The following TMTC4 variants were observed in gnomAD, a reference collection of about 807,000 sequenced individuals.
TMTC4 encodes the protein transmembrane O-mannosyltransferase targeting cadherins 4.
TMTC4 carries 65 observed loss-of-function variants against 86.0 expected under a neutral mutation model. The ratio of observed to expected loss-of-function variants is 0.76; its 90% confidence interval spans 0.62 to 0.93. The LOEUF is 0.93. Among genes scored for constraint, TMTC4 ranks in the 40% least tolerant of loss-of-function variants. TMTC4 has a pLI of 0.00. For missense variants in TMTC4, 866 were observed against 948.1 expected, an observed-to-expected ratio of 0.91 and a Z score of 1.14; for synonymous variants, 379 against 382.5, an observed-to-expected ratio of 0.99 and a Z score of 0.11.
chr13:100,657,155 A>C (rs1885213749), intron 5 of TMTC4, among the ~76,000 whole-genome samples: 1 of 152,234 alleles, frequency 6.6e-6, no homozygotes, highest in Non-Finnish European at 1.5e-5. Context: ...TTTCAATTGG[A>C]AAATGTTATC....
chr13:100,630,091 G>T (rs929085514), intron 12 of TMTC4, among the ~76,000 whole-genome samples: 1 of 151,200 alleles, frequency 6.6e-6, no homozygotes, highest in Non-Finnish European at 1.5e-5. Flanking sequence ...GTTTATAGCA[G>T]CCTGAGAAAA....
Position 100,670,516 on chromosome 13 carries a change from G to C in TMTC4, c.-154C>G, listed in dbSNP as rs570369756. ...CAGCAAGTGCTGGGGGAATACTGCA[G>C]CTACTTTTCTTTTCCAGTCAAAGGA... On this transcript the variant is annotated 5_prime_UTR_variant, in exon 2 of 19. Transcript: ENST00000342624. The C allele has an allele frequency of 3.1e-6, 2 of 639,564 alleles. No individual in the cohort carries two copies. Among genetic ancestry groups the C allele is most frequent in the African/African-American group, 1.9e-5 (1 of 52,690 alleles). The allele number at this position is 639,564 out of a possible 1,614,324, so 39.6% of individuals were successfully genotyped here. A position where few individuals can be genotyped will look rare whatever the true frequency, so the allele number is the denominator to read the frequency against.
rs534719589 is a variant in TMTC4 at position 100,651,031 on chromosome 13, T to C, written c.640+5350A>G. Among the ~76,000 whole-genome samples, 10 of 152,318 alleles carry C rather than the reference T, an allele frequency of 6.6e-5. No homozygotes were observed. In the South Asian group the frequency reaches 2.1e-3, roughly 32 times the overall value. ...ATATAGCTTAAGAACAATGGAGATT[T>C]GAGATCCTGCCTTTGATATTATGAG... On this transcript the variant is annotated intron_variant, in intron 6 of 18. Coordinates refer to ENST00000342624, the MANE Select transcript of TMTC4 (RefSeq NM_032813.5).
chr13:100,644,014 G>A (rs1209432994), intron 6 of TMTC4, among the ~76,000 whole-genome samples: 6 of 151,992 alleles, frequency 3.9e-5, no homozygotes, highest in Admixed American at 2.6e-4. Flanking sequence ...GAATACTTGA[G>A]ATAGAATCAG....
chr13:100,630,555 A>T (rs1174839272), intron 12 of TMTC4, among the ~76,000 whole-genome samples: 1 of 152,054 alleles, frequency 6.6e-6, no homozygotes, highest in Non-Finnish European at 1.5e-5. Flanking sequence ...GCTTCCCCCA[A>T]CCCAGCTTGG....
upstream of TMTC4, chr13:100,674,908 G>C (rs1010086791): frequency 1.6e-5 from 16 of 984,182 alleles, no homozygotes; most frequent in Non-Finnish European, 1.7e-5. Context: ...GCGCCCCCCA[G>C]CACCAGTCTC....
At chr13:100,629,481 C>T (rs193286659) in intron 12 of TMTC4, among the ~76,000 whole-genome samples, 4 of 152,182 alleles carry the variant, frequency 2.6e-5, no homozygotes, top group East Asian at 1.9e-4. Flanking sequence ...GGCCATTCAG[C>T]GTCTCATCTA....
intron 5 of TMTC4, among the ~76,000 whole-genome samples, chr13:100,662,013 G>A (rs1341624018): frequency 3.3e-5 from 5 of 151,966 alleles, no homozygotes; most frequent in South Asian, 4.1e-4. Flanking sequence ...TGCAGGGGGC[G>A]GTTCCTGACA....
At chr13:100,641,785 C>G (rs143291922) in intron 7 of TMTC4, among the ~76,000 whole-genome samples, 63 of 152,196 alleles carry the variant, frequency 4.1e-4, no homozygotes, top group African/African-American at 1.4e-3. Context: ...TGGCGCCCGG[C>G]CCTGTTCCTT....
At chr13:100,621,419 T>A (rs1215903635) in intron 15 of TMTC4, among the ~76,000 whole-genome samples, 1 of 152,114 alleles carries the variant, frequency 6.6e-6, no homozygotes, top group East Asian at 1.9e-4. Flanking sequence ...GAAAGAAGAA[T>A]TCTTTTTTTT....
At chr13:100,628,757 A>G (rs1302239909) in intron 12 of TMTC4, among the ~76,000 whole-genome samples, 1 of 152,216 alleles carries the variant, frequency 6.6e-6, no homozygotes, top group East Asian at 1.9e-4. Context: ...TAGTTTCTCA[A>G]CTAAACATGG....
chr13:100,612,663 A>G (rs879773447), intron 16 of TMTC4, among the ~76,000 whole-genome samples, 153 bp from the exon 17 acceptor site: 1,351 of 104,742 alleles, frequency 0.013, 19 homozygotes, highest in African/African-American at 0.028. Context: ...ATACACACAC[A>G]CACACACACA....
chr13:100,632,595 T>C (rs542007932), intron 12 of TMTC4, among the ~76,000 whole-genome samples: 1 of 152,330 alleles, frequency 6.6e-6, no homozygotes, highest in East Asian at 1.9e-4. Flanking sequence ...AGATAAAAGC[T>C]GAAAGTAATT....
intron 15 of TMTC4, 64 bp from the exon 16 acceptor site, chr13:100,614,494 TA>T: frequency 9.1e-7 from 1 of 1,096,620 alleles, no homozygotes. Flanking sequence ...TCCAAGACAT[TA>T]TTAAAAAAAA....
At chr13:100,627,234 C>T (rs563118129) in intron 12 of TMTC4, among the ~76,000 whole-genome samples, 7 of 152,160 alleles carry the variant, frequency 4.6e-5, no homozygotes, top group Non-Finnish European at 8.8e-5. Context: ...CAGCTGCGCT[C>T]GCAGGGAACC....
chr13:100,647,867 A>G (rs1433003810), intron 6 of TMTC4, among the ~76,000 whole-genome samples: 1 of 152,166 alleles, frequency 6.6e-6, no homozygotes, highest in Non-Finnish European at 1.5e-5. Flanking sequence ...GAAAACAGAA[A>G]AATAACAACT....
Position 100,635,071 on chromosome 13 carries a change from G to A in TMTC4, c.1327C>T (p.Leu443=). 1 of 1,613,814 alleles carries A rather than the reference G, an allele frequency of 6.2e-7. No individual in the cohort carries two copies. The highest frequency in any genetic ancestry group is 8.5e-7 in the Non-Finnish European group (1 of 1,179,926). Reference sequence around the variant, plus strand: ...AGGGCTCCGAATCCAAAAGTCAGCAGCACACAGTACCCAACGCTGGGGAGG... The same window carrying A: ...AGGGCTCCGAATCCAAAAGTCAGCAACACACAGTACCCAACGCTGGGGAGG... ...LYLPSVGYCV[L]LTFGFGALSK... The change falls in exon 11 of 19, where the codon CTG becomes TTG. Residue 443 remains leucine (L), a synonymous_variant. Coordinates refer to ENST00000342624, the MANE Select transcript of TMTC4 (RefSeq NM_032813.5).
At chr13:100,621,866 T>C (rs1220293012) in intron 15 of TMTC4, among the ~76,000 whole-genome samples, 1 of 152,214 alleles carries the variant, frequency 6.6e-6, no homozygotes, top group East Asian at 1.9e-4. Flanking sequence ...AGACCTCATG[T>C]GCTCCCATCC....
intron 3 of TMTC4, chr13:100,666,166 C>A: frequency 4.9e-6 from 2 of 407,014 alleles, no homozygotes; most frequent in Non-Finnish European, 9.9e-6. Context: ...TGTATTGTGT[C>A]TAAAATTCCC....
Sources: allele counts gnomAD v4.1 joint callset (sites outside exome capture counted in the v4.1 genomes callset), GRCh38; gene constraint gnomAD v4.1.1; transcripts MANE v1.5; gene names NCBI Gene and HGNC (gene_info 2026-07-23, HGNC 2026-07-21).